The following VEPH1 variants were observed in gnomAD, a reference collection of about 807,000 sequenced individuals.
The protein encoded by VEPH1 is ventricular zone expressed PH domain containing 1, also known as ventricular zone-expressed PH domain-containing protein homolog 1.
In VEPH1, 80 loss-of-function variants were observed where a neutral mutation model predicts 85.2. That is an observed-to-expected ratio of 0.94 (90% CI 0.78 to 1.13). The LOEUF (loss-of-function observed/expected upper bound fraction) is 1.13. Among genes scored for constraint, VEPH1 ranks in the 50% most tolerant of loss-of-function variants. The probability of loss-of-function intolerance (pLI) is 0.00; values close to 1 mark genes in which losing one functional copy is unlikely to be tolerated. For missense variants in VEPH1, 955 were observed against 980.5 expected, an observed-to-expected ratio of 0.97 and a Z score of 0.35; for synonymous variants, 297 against 348.0, an observed-to-expected ratio of 0.85 and a Z score of 1.63.
chr3:157,501,187 T>C (rs1474651433), intron 1 of VEPH1, among the ~76,000 whole-genome samples: 1 of 152,238 alleles, frequency 6.6e-6, no homozygotes, highest in Non-Finnish European at 1.5e-5. Context: ...ATCTTTGTTG[T>C]CCTTTCTCTA....
At chr3:157,492,109 A>T (rs1560109352) in intron 2 of VEPH1, among the ~76,000 whole-genome samples, 3 of 152,164 alleles carry the variant, frequency 2.0e-5, no homozygotes, top group Non-Finnish European at 4.4e-5. Flanking sequence ...GGGATTAGCC[A>T]GTACAGGCCT....
At chr3:157,321,801 A>C (rs1488114571) in intron 9 of VEPH1, among the ~76,000 whole-genome samples, 8 of 152,130 alleles carry the variant, frequency 5.3e-5, no homozygotes, top group Admixed American at 2.0e-4. Context: ...AACAAACAAA[A>C]AAAGCTCATC....
chr3:157,391,431 G>A (rs1203780268), intron 6 of VEPH1, among the ~76,000 whole-genome samples: 1 of 152,194 alleles, frequency 6.6e-6, no homozygotes, highest in East Asian at 1.9e-4. Context: ...ATATTCTGAG[G>A]GAAAGACAAT....
In VEPH1 at chr3:157,363,393, A is replaced by C. The variant is rs1382626190; in HGVS notation, c.1706T>G (p.Ile569Ser). 2 of 1,609,878 alleles carry C rather than the reference A, an allele frequency of 1.2e-6. No homozygotes were observed. The highest frequency in any genetic ancestry group is 1.7e-6 in the Non-Finnish European group (2 of 1,179,016). ...KAYAMEIGKK[I>S]PVPDQCTIED... is the part of the protein sequence containing the mutation. ...AATGGTACACTGATCAGGGACTGGA[A>C]TCTTCTTTCCAATTTCCATGGCATA... The change falls in exon 9 of 14, where the codon ATT (isoleucine) becomes AGT (serine). Residue 569 changes from isoleucine to serine, a missense_variant. Ile to Ser is a moderately radical substitution (Grantham distance 142, BLOSUM62 -2). Transcript: ENST00000362010.
intron 11 of VEPH1, among the ~76,000 whole-genome samples, chr3:157,297,854 G>A (rs776272562): frequency 1.3e-5 from 2 of 152,060 alleles, no homozygotes; most frequent in Non-Finnish European, 2.9e-5. Context: ...GTGAAGAGAC[G>A]GGAAATAACA....
chr3:157,438,052 C>A (rs1454036780), intron 4 of VEPH1: 5 of 734,990 alleles, frequency 6.8e-6, no homozygotes, highest in Non-Finnish European at 1.1e-5. Flanking sequence ...CACACACACA[C>A]ACACACACAC....
rs751210034 is a variant in VEPH1, at chr3:157,470,451, C to T, written c.217G>A (p.Glu73Lys). Residue 73 changes from glutamate to lysine, a missense_variant, in exon 3 of 14, where the codon GAG (glutamate) becomes AAG (lysine). By Grantham distance (56) the Glu-to-Lys change is moderately conservative. Transcript: ENST00000362010. ...GCCTTTGCATGCTTTTCAATGGACT[C>T]GGTCTCTCTGATGGCTGTTGTGATT... ...TRITTAIRETESIEKHAKALV... is the reference protein window; with the variant it reads ...TRITTAIRETKSIEKHAKALV... 47 of 1,614,034 alleles carry T rather than the reference C, an allele frequency of 2.9e-5. No individual in the cohort carries two copies. The highest frequency in any genetic ancestry group is 1.3e-4 in the African/African-American group (10 of 74,922).
intron 9 of VEPH1, among the ~76,000 whole-genome samples, chr3:157,324,436 A>G (rs955515308): frequency 1.3e-5 from 2 of 152,226 alleles, no homozygotes; most frequent in East Asian, 3.9e-4. Flanking sequence ...AGGTCATCCC[A>G]TCACCTAAGT....
chr3:157,343,602 G>A (rs1723854528), intron 9 of VEPH1, among the ~76,000 whole-genome samples: 1 of 152,114 alleles, frequency 6.6e-6, no homozygotes, highest in Non-Finnish European at 1.5e-5. Context: ...AGAGGTACAA[G>A]GAGGAGCTGG....
intron 4 of VEPH1, among the ~76,000 whole-genome samples, chr3:157,452,121 T>C (rs1194279264): frequency 6.6e-6 from 1 of 151,982 alleles, no homozygotes; most frequent in Non-Finnish European, 1.5e-5. Context: ...TTAAGGAAAA[T>C]ACAGTATTAA....
intron 5 of VEPH1, among the ~76,000 whole-genome samples, chr3:157,422,899 C>T (rs1732454836): frequency 6.6e-6 from 1 of 151,972 alleles, no homozygotes; most frequent in Non-Finnish European, 1.5e-5. Flanking sequence ...TGACTTCTCC[C>T]ACCCTGCCTC....
chr3:157,293,014 G>C (rs1020217838), intron 11 of VEPH1, among the ~76,000 whole-genome samples: 3 of 151,014 alleles, frequency 2.0e-5, no homozygotes, highest in Middle Eastern at 3.4e-3. Flanking sequence ...AAAGAAAAAA[G>C]TTTCATTTCA....
intron 9 of VEPH1, among the ~76,000 whole-genome samples, chr3:157,328,852 T>G (rs1203469845): frequency 6.6e-6 from 1 of 152,202 alleles, no homozygotes; most frequent in African/African-American, 2.4e-5. Context: ...GAGTTTTATG[T>G]GTGTATTGCC....
chr3:157,362,947 A>T (rs2108770487), intron 9 of VEPH1, among the ~76,000 whole-genome samples: 1 of 152,326 alleles, frequency 6.6e-6, no homozygotes, highest in South Asian at 2.1e-4. Flanking sequence ...GGAACACAGT[A>T]GCTGAATGGA....
chr3:157,319,382 G>A (rs1323305587), intron 9 of VEPH1, among the ~76,000 whole-genome samples: 9 of 152,166 alleles, frequency 5.9e-5, no homozygotes, highest in Admixed American at 5.9e-4. Context: ...AAAGACCTGG[G>A]AGAATAGAAT....
intron 5 of VEPH1, among the ~76,000 whole-genome samples, chr3:157,417,494 C>A (rs925029148): frequency 1.3e-5 from 2 of 152,184 alleles, no homozygotes; most frequent in Admixed American, 1.3e-4. Context: ...AAACTCCGAT[C>A]TAATTACCTC....
At chr3:157,358,404 C>A (rs955153890) in intron 9 of VEPH1, among the ~76,000 whole-genome samples, 5 of 152,208 alleles carry the variant, frequency 3.3e-5, no homozygotes, top group African/African-American at 1.2e-4. Flanking sequence ...TGCTGTTTTT[C>A]TTTCTCAAAT....
At chr3:157,421,187 T>G (rs1732306606) in intron 5 of VEPH1, among the ~76,000 whole-genome samples, 2 of 152,196 alleles carry the variant, frequency 1.3e-5, no homozygotes, top group African/African-American at 4.8e-5. Context: ...ATGTGATATG[T>G]GGATGTTGAA....
At chr3:157,371,093 G>T (rs1284363409) in intron 7 of VEPH1, among the ~76,000 whole-genome samples, 1 of 152,158 alleles carries the variant, frequency 6.6e-6, no homozygotes, top group Non-Finnish European at 1.5e-5. Context: ...AAAGAAGGAG[G>T]TTTGCGCAAG....
Sources: gnomAD v4.1 joint callset for allele counts (sites outside exome capture counted in the v4.1 genomes callset) on GRCh38, gnomAD v4.1.1 for gene constraint, MANE v1.5 for transcripts, NCBI Gene and HGNC (gene_info 2026-07-23, HGNC 2026-07-21) for gene names.